LDLRAD4: variants seen among roughly 807,000 people sequenced by gnomAD.
LDLRAD4 encodes the protein low-density lipoprotein receptor class A domain-containing protein 4.
Under a neutral mutation model 17.0 loss-of-function variants are expected in LDLRAD4, and 5 were observed. That is an observed-to-expected ratio of 0.29 (90% CI 0.15 to 0.62). The LOEUF is 0.62. Ranked by LOEUF, LDLRAD4 falls within the 20% of genes least tolerant of loss-of-function variation. LDLRAD4 has a pLI of 0.84. For synonymous variants in LDLRAD4, 168 were observed against 171.8 expected (o/e 0.98, Z 0.17); for missense variants, 340 against 424.7 (o/e 0.80, Z 1.75).
At chr18:13,604,917 T>C (rs918581654) in intron 3 of LDLRAD4, among the ~76,000 whole-genome samples, 1 of 152,024 alleles carries the variant, frequency 6.6e-6, no homozygotes, top group African/African-American at 2.4e-5. Flanking sequence ...GCAGGACACA[T>C]GTGGCAGGAG....
At chr18:13,517,340 G>A (rs916842023) in intron 3 of LDLRAD4, among the ~76,000 whole-genome samples, 6 of 152,198 alleles carry the variant, frequency 3.9e-5, no homozygotes, top group Non-Finnish European at 7.3e-5. Context: ...TCTCTAACTG[G>A]ATGACTCCCC....
At chr18:13,606,663 T>A (rs183970417) in intron 3 of LDLRAD4, among the ~76,000 whole-genome samples, 1 of 152,358 alleles carries the variant, frequency 6.6e-6, no homozygotes, top group Non-Finnish European at 1.5e-5. Flanking sequence ...ATTTCCATGT[T>A]TTGAGTCTGT....
chr18:13,548,259 G>A (rs924132466), intron 3 of LDLRAD4, among the ~76,000 whole-genome samples: 37 of 148,288 alleles, frequency 2.5e-4, no homozygotes, highest in African/African-American at 7.7e-4. Flanking sequence ...AAAAAGCACC[G>A]TAAGTTCTCA....
At chr18:13,348,813 A>C (rs866119022) in intron 1 of LDLRAD4, among the ~76,000 whole-genome samples, 14 of 152,192 alleles carry the variant, frequency 9.2e-5, no homozygotes, top group African/African-American at 3.1e-4. Context: ...TTGCAGTTTT[A>C]TCTCAGACTG....
chr18:13,616,786 G>A (rs1280982294), intron 3 of LDLRAD4, among the ~76,000 whole-genome samples: 2 of 152,168 alleles, frequency 1.3e-5, no homozygotes, highest in Non-Finnish European at 2.9e-5. Context: ...TCAGGCTGCC[G>A]CCACCCCAGG....
At chr18:13,229,610 T>C (rs2041972743) in intron 1 of LDLRAD4, among the ~76,000 whole-genome samples, 1 of 152,172 alleles carries the variant, frequency 6.6e-6, no homozygotes, top group Non-Finnish European at 1.5e-5. Flanking sequence ...TACAATCACG[T>C]CTTGAACTAA....
intron 1 of LDLRAD4, chr18:13,241,963 C>T (rs556164105): frequency 6.6e-6 from 1 of 152,276 alleles, no homozygotes; most frequent in African/African-American, 2.4e-5. Flanking sequence ...GGGCGGGTTT[C>T]TCACACGCGT....
At chr18:13,650,333 AAT>A in exon 6 of LDLRAD4, 1 of 401,154 alleles carries the variant, frequency 2.5e-6, no homozygotes, top group East Asian at 3.6e-5. Flanking sequence ...CTAAGAAAGC[AAT>A]GTCTTCCTTC....
At chr18:13,253,292 C>G (rs2043324447) in intron 1 of LDLRAD4, among the ~76,000 whole-genome samples, 1 of 152,050 alleles carries the variant, frequency 6.6e-6, no homozygotes, top group South Asian at 2.1e-4. Context: ...TTGCTGTGAT[C>G]GGCTGTGGTG....
intron 1 of LDLRAD4, among the ~76,000 whole-genome samples, chr18:13,337,739 G>GGAAAAAAAAAA (rs1491429518): frequency 1.1e-4 from 3 of 28,252 alleles, no homozygotes; most frequent in African/African-American, 3.9e-4. Flanking sequence ...TTTACAAAAA[G>GGAAAAAAAAAA]TAAAAAAAAA....
chr18:13,496,718 G>C (rs2093477698), intron 3 of LDLRAD4, among the ~76,000 whole-genome samples: 1 of 151,254 alleles, frequency 6.6e-6, no homozygotes, highest in South Asian at 2.1e-4. Context: ...GGTTAATAAA[G>C]GGATTGGGAG....
chr18:13,529,304 A>T (rs922469710), intron 3 of LDLRAD4, among the ~76,000 whole-genome samples: 8 of 152,220 alleles, frequency 5.3e-5, no homozygotes, highest in Admixed American at 3.9e-4. Context: ...TCTTTGATGT[A>T]TTCCTCCCAC....
chr18:13,424,883 C>T (rs1054657576), intron 2 of LDLRAD4, among the ~76,000 whole-genome samples: 1 of 152,048 alleles, frequency 6.6e-6, no homozygotes, highest in East Asian at 1.9e-4. Context: ...GACCACATGG[C>T]GAAGGGCACG....
At chr18:13,605,033 C>T (rs1255383891) in intron 3 of LDLRAD4, among the ~76,000 whole-genome samples, 1 of 152,162 alleles carries the variant, frequency 6.6e-6, no homozygotes, top group African/African-American at 2.4e-5. Context: ...CGGGGCCAGG[C>T]TCATAGGGAC....
chr18:13,473,680 A>ATATAT (rs2092854924), intron 3 of LDLRAD4, among the ~76,000 whole-genome samples: 3 of 60,092 alleles, frequency 5.0e-5, no homozygotes, highest in Non-Finnish European at 7.3e-5. Context: ...TATATATATA[A>ATATAT]CGTTTACATT....
At chr18:13,369,997 G>T (rs2084340434) in intron 1 of LDLRAD4, among the ~76,000 whole-genome samples, 1 of 152,222 alleles carries the variant, frequency 6.6e-6, no homozygotes, top group Non-Finnish European at 1.5e-5. Context: ...CTTGCCACTA[G>T]AATGCGTCTC....
intron 3 of LDLRAD4, among the ~76,000 whole-genome samples, chr18:13,495,408 TCTCTGAGCCTGCC>T (rs1339344493): frequency 6.6e-6 from 1 of 152,232 alleles, no homozygotes; most frequent in African/African-American, 2.4e-5. Context: ...CTCGTCTGTT[TCTCTGAGCCTGCC>T]TTCAGTCAAC....
At chr18:13,368,870 G>A (rs932811178) in intron 1 of LDLRAD4, among the ~76,000 whole-genome samples, 3 of 152,224 alleles carry the variant, frequency 2.0e-5, no homozygotes, top group African/African-American at 7.2e-5. Context: ...CTGGAGAGTG[G>A]AGAGGCCCAG....
intron 3 of LDLRAD4, among the ~76,000 whole-genome samples, chr18:13,568,155 G>T (rs2094633137): frequency 6.6e-6 from 1 of 152,122 alleles, no homozygotes; most frequent in Non-Finnish European, 1.5e-5. Flanking sequence ...TTAGACAGGT[G>T]TGGTGATGTG....
Sources: allele counts gnomAD v4.1 joint callset (sites outside exome capture counted in the v4.1 genomes callset), GRCh38; gene constraint gnomAD v4.1.1; transcripts MANE v1.5; gene names NCBI Gene and HGNC (gene_info 2026-07-23, HGNC 2026-07-21).